The following VWA8 variants were observed in gnomAD, a reference collection of about 807,000 sequenced individuals.
VWA8 encodes the protein von Willebrand factor A domain containing 8, also known as von Willebrand factor A domain-containing protein 8.
A neutral mutation model predicts 241.5 loss-of-function variants in VWA8; 221 were observed. That is an observed-to-expected ratio of 0.91 (90% CI 0.82 to 1.02). The LOEUF is 1.02. Among genes scored for constraint, VWA8 ranks in the 50% least tolerant of loss-of-function variants. The pLI, the probability that VWA8 is intolerant of heterozygous loss-of-function variation, is 0.00. For missense variants in VWA8, 2,322 were observed against 2,328.7 expected, an observed-to-expected ratio of 1.00 and a Z score of 0.06; for synonymous variants, 852 against 827.1, an observed-to-expected ratio of 1.03 and a Z score of -0.52.
At chr13:41,596,742 A>G (rs1029064174) in intron 40 of VWA8, among the ~76,000 whole-genome samples, 41 of 149,328 alleles carry the variant, frequency 2.7e-4, no homozygotes, top group African/African-American at 8.0e-4. Context: ...AGAATGATGT[A>G]TTCTGGTTAA....
intron 22 of VWA8, among the ~76,000 whole-genome samples, 163 bp from the exon 23 acceptor site, chr13:41,729,840 CACAT>C (rs1308128959): frequency 6.7e-6 from 1 of 148,486 alleles, no homozygotes; most frequent in East Asian, 2.0e-4. Flanking sequence ...CACACACACA[CACAT>C]CTATAGCAGA....
At chr13:41,577,721 A>G (rs2044359415) in intron 42 of VWA8, among the ~76,000 whole-genome samples, 1 of 152,240 alleles carries the variant, frequency 6.6e-6, no homozygotes, top group Non-Finnish European at 1.5e-5. Flanking sequence ...GATCTTACAC[A>G]TGAGGGAATA....
intron 18 of VWA8, among the ~76,000 whole-genome samples, chr13:41,784,729 T>TATATATATATATATATATATATATAC (rs772522331): frequency 1.7e-5 from 1 of 60,090 alleles, no homozygotes; most frequent in African/African-American, 5.6e-5. Context: ...TATATATATA[T>TATATATATATATATATATATATATAC]ACACACACAT....
At chr13:41,837,035 TGATAGATAGATAGATA>T (rs67765155) in intron 12 of VWA8, among the ~76,000 whole-genome samples, 5,565 of 148,674 alleles carry the variant, frequency 0.037, 134 homozygotes, top group African/African-American at 0.066. Flanking sequence ...TGCAGATAGA[TGATAGATAGATAGATA>T]GATAGATAGA....
chr13:41,767,402 A>T (rs1179057180), intron 20 of VWA8, among the ~76,000 whole-genome samples: 2 of 152,186 alleles, frequency 1.3e-5, no homozygotes, highest in Admixed American at 1.3e-4. Flanking sequence ...AGATTTGCTC[A>T]TTTGAATAGA....
At chr13:41,759,229 TA>T (rs773386158) in intron 21 of VWA8, among the ~76,000 whole-genome samples, 19 of 151,772 alleles carry the variant, frequency 1.3e-4, no homozygotes, top group South Asian at 4.1e-4. Context: ...TCTATACTGA[TA>T]TTTTTTTTCT....
In VWA8 at chr13:41,587,665, G is replaced by A. The variant is rs777224784; in HGVS notation, c.5118C>T (p.Gly1706=). 1.2e-6 allele frequency: 2 copies of A among 1,614,004 alleles called. No homozygotes were observed. Among genetic ancestry groups the A allele is most frequent in the East Asian group, 2.2e-5 (1 of 44,886 alleles). The change falls in exon 42 of 45, where the codon GGC becomes GGT. Residue 1706 remains glycine (G), a synonymous_variant. Coordinates refer to ENST00000379310, the MANE Select transcript of VWA8 (RefSeq NM_015058.2). Reference sequence around the variant, plus strand: ...GACGCTTGGGTTTCTGTTGTGGGCTGCCAAGCTGAGGGAAGGAATAACAGA... The same window carrying A: ...GACGCTTGGGTTTCTGTTGTGGGCTACCAAGCTGAGGGAAGGAATAACAGA... The part of the protein sequence containing the change: ...KRRGELEPQL[G]SPQQKPKRLR...
Position 41,716,201 on chromosome 13 carries a change from A to G in VWA8, c.3116+3390T>C, listed in dbSNP as rs540188915. 3.3e-5 allele frequency among the ~76,000 whole-genome samples: 5 copies of G among 152,146 alleles called. No individual in the cohort carries two copies. In the South Asian group the frequency reaches 1.0e-3, roughly 31 times the overall value. On this transcript the variant is annotated intron_variant, in intron 26 of 44. Coordinates refer to ENST00000379310, the MANE Select transcript of VWA8 (RefSeq NM_015058.2). ...CTGGGAATATATTTGCAGATAAGGA[A>G]GAAGAGCTCCATTATGGCAGGATCA... is the stretch of plus-strand genomic sequence containing the variant.
intron 35 of VWA8, among the ~76,000 whole-genome samples, chr13:41,675,591 C>T (rs756171420): frequency 6.6e-6 from 1 of 152,090 alleles, no homozygotes; most frequent in African/African-American, 2.4e-5. Context: ...AATATTTCAT[C>T]ATCTGAACTG....
At chr13:41,871,149 T>C (rs1188466901) in intron 9 of VWA8, among the ~76,000 whole-genome samples, 1 of 152,136 alleles carries the variant, frequency 6.6e-6, no homozygotes, top group Non-Finnish European at 1.5e-5. Flanking sequence ...CTTATCAACA[T>C]CACAGCTGGT....
intron 24 of VWA8, among the ~76,000 whole-genome samples, chr13:41,724,659 A>G (rs1233632696): frequency 6.6e-6 from 1 of 152,212 alleles, no homozygotes; most frequent in Non-Finnish European, 1.5e-5. Flanking sequence ...CAGTAGGAAG[A>G]CAGGAGAAAA....
chr13:41,675,874 C>T (rs1172124524), intron 35 of VWA8, among the ~76,000 whole-genome samples: 2 of 151,998 alleles, frequency 1.3e-5, no homozygotes, highest in African/African-American at 2.4e-5. Context: ...TGCAAAGCAC[C>T]GACAGGGGTT....
chr13:41,583,210 C>CA (rs2044394749), intron 42 of VWA8, among the ~76,000 whole-genome samples: 1 of 152,164 alleles, frequency 6.6e-6, no homozygotes, highest in African/African-American at 2.4e-5. Context: ...ACTTAAATCT[C>CA]AGACACATTG....
Position 41,837,080 on chromosome 13 carries a change from G to GAT in VWA8, c.1426-3550_1426-3549insAT, listed in dbSNP as rs1361207082. ...AGATAGATAGATAGATAGATAGATA[G>GAT]AGATTTTTAAAAAATATTTTGTAGA... On this transcript the variant is annotated intron_variant, in intron 12 of 44. Coordinates refer to ENST00000379310, the MANE Select transcript of VWA8 (RefSeq NM_015058.2). Among the ~76,000 whole-genome samples the GAT allele has an allele frequency of 1.4e-4, 20 of 148,118 alleles. No homozygotes were observed. In the East Asian group the frequency reaches 3.7e-3, roughly 28 times the overall value.
intron 2 of VWA8, among the ~76,000 whole-genome samples, chr13:41,914,524 G>A (rs1313005269): frequency 2.0e-5 from 3 of 152,074 alleles, no homozygotes; most frequent in Admixed American, 2.0e-4. Flanking sequence ...CAGCCTCCTT[G>A]CTGTTTAAGG....
At chr13:41,753,328 G>A (rs1416086231) in intron 21 of VWA8, among the ~76,000 whole-genome samples, 1 of 152,098 alleles carries the variant, frequency 6.6e-6, no homozygotes, top group East Asian at 1.9e-4. Flanking sequence ...AAGTATTTCA[G>A]AGCCCTAAAA....
intron 17 of VWA8, among the ~76,000 whole-genome samples, chr13:41,800,684 T>C (rs1322059097): frequency 6.6e-6 from 1 of 150,758 alleles, no homozygotes. Context: ...TCCCAGCTAC[T>C]CGGGAGGCTG....
At chr13:41,743,707 A>T (rs866486309) in intron 21 of VWA8, among the ~76,000 whole-genome samples, 33 of 152,172 alleles carry the variant, frequency 2.2e-4, no homozygotes, top group African/African-American at 7.2e-4. Context: ...TTTTCACTTT[A>T]TTAATAGCAT....
intron 26 of VWA8, among the ~76,000 whole-genome samples, chr13:41,709,490 T>C (rs964971042): frequency 2.0e-5 from 3 of 152,232 alleles, no homozygotes; most frequent in Admixed American, 6.5e-5. Flanking sequence ...TGTTCTCTGA[T>C]TGAAACTCTG....
Sources: gnomAD v4.1 joint callset for allele counts (sites outside exome capture counted in the v4.1 genomes callset) on GRCh38, gnomAD v4.1.1 for gene constraint, MANE v1.5 for transcripts, NCBI Gene and HGNC (gene_info 2026-07-23, HGNC 2026-07-21) for gene names.